IL17RD: variants seen among roughly 807,000 people sequenced by gnomAD.
IL17RD encodes interleukin 17 receptor D.
In IL17RD, 52 loss-of-function variants were observed where a neutral mutation model predicts 80.5. The ratio of observed to expected loss-of-function variants is 0.65; its 90% CI spans 0.52 to 0.81. IL17RD has a LOEUF of 0.81. IL17RD is among the 40% of genes least tolerant of loss of function. IL17RD has a pLI of 0.00. For missense variants in IL17RD, 1,024 were observed against 955.1 expected (o/e 1.07, Z -0.95); for synonymous variants, 416 against 391.8 (o/e 1.06, Z -0.73).
chr3:57,102,914 C>T lies in IL17RD; in HGVS notation c.868+177G>A, dbSNP rs370395440. On this transcript the variant is annotated intron_variant, in intron 9 of 12. Transcript: ENST00000296318. Reference sequence around the variant, plus strand: ...GTCCGAGCTACACACACCAAACTGGCTTTAATCTTCCAGGTTATAAACATT... The same window carrying T: ...GTCCGAGCTACACACACCAAACTGGTTTTAATCTTCCAGGTTATAAACATT... 1.1e-4 allele frequency among the ~76,000 whole-genome samples: 17 copies of T among 152,282 alleles called. 1 individual carries two copies. The East Asian group carries it at 2.9e-3, about 26-fold the overall frequency.
chr3:57,096,161 G>A lies in IL17RD; in HGVS notation c.*232C>T, dbSNP rs1281449970. 1 of 515,788 alleles carries A rather than the reference G, an allele frequency of 1.9e-6. No homozygotes were observed. Among genetic ancestry groups the A allele is most frequent in the Non-Finnish European group, 3.5e-6 (1 of 284,406 alleles). 32.0% of individuals were successfully genotyped at this position (515,788 alleles called of 1,614,324 possible). On this transcript the variant is annotated 3_prime_UTR_variant, in exon 13 of 13. Transcript: ENST00000296318. ...AACCAAATTTGGCAAGCTGTTGTCA[G>A]ACCTTATGGACATGCCTTTCAGAGC...
chr3:57,133,609 A>G (rs542803651), intron 1 of IL17RD, among the ~76,000 whole-genome samples: 2 of 152,296 alleles, frequency 1.3e-5, no homozygotes, highest in East Asian at 3.9e-4. Flanking sequence ...GATTTTGATA[A>G]ATGTCTTTTT....
Position 57,098,336 on chromosome 3 carries a change from G to A in IL17RD, c.1367C>T (p.Ala456Val), listed in dbSNP as rs947973911. 3.7e-6 allele frequency: 6 copies of A among 1,613,886 alleles called. No individual in the cohort carries two copies. In the African/African-American group the frequency reaches 6.7e-5, roughly 18 times the overall value. ...GGCCTGGCGGAGCTTTTCGGCAATGGCTGACACCGCCACCAGGAAGAGCTC... is the reference window on the plus strand; with the variant it reads ...GGCCTGGCGGAGCTTTTCGGCAATGACTGACACCGCCACCAGGAAGAGCTC... ...KGELFLVAVS[A>V]IAEKLRQAKQ... The change falls in exon 12 of 13, where the codon GCC (alanine) becomes GTC (valine). Residue 456 changes from alanine to valine, a missense_variant. Ala to Val is a moderately conservative substitution (Grantham distance 64). Coordinates refer to ENST00000296318, the MANE Select transcript of IL17RD (RefSeq NM_017563.5).
At chr3:57,147,394 T>A (rs1707955131) in intron 1 of IL17RD, among the ~76,000 whole-genome samples, 1 of 152,184 alleles carries the variant, frequency 6.6e-6, no homozygotes, top group South Asian at 2.1e-4. Context: ...GGAGCTGGGA[T>A]TCGTGAAACA....
chr3:57,113,271 C>T (rs1171140602), intron 3 of IL17RD, among the ~76,000 whole-genome samples: 1 of 152,164 alleles, frequency 6.6e-6, no homozygotes, highest in Non-Finnish European at 1.5e-5. Context: ...GAGTTTCCCT[C>T]TTGTTGTCCA....
chr3:57,157,962 T>A (rs1206411963), intron 1 of IL17RD, among the ~76,000 whole-genome samples: 1 of 152,150 alleles, frequency 6.6e-6, no homozygotes, highest in African/African-American at 2.4e-5. Context: ...ACAGAACACT[T>A]GGAAAAACTC....
In IL17RD at chr3:57,098,455, C is replaced by T; in HGVS notation, c.1248G>A (p.Gln416=). The change falls in exon 12 of 13, where the codon CAG becomes CAA. Residue 416 remains glutamine (Q), a synonymous_variant. Coordinates refer to ENST00000296318, the MANE Select transcript of IL17RD (RefSeq NM_017563.5). ...CTTTGGAACAAACCACAATGATGAA[C>T]TGGGACTCGTGGATCTTCTGGATGA... ...EWVIQKIHES[Q]FIIVVCSKGM... The T allele has an allele frequency of 6.2e-7, 1 of 1,614,002 alleles. No homozygotes were observed. The highest frequency in any genetic ancestry group is 8.5e-7 in the Non-Finnish European group (1 of 1,179,890).
chr3:57,169,436 G>C, upstream of IL17RD: 1 of 239,742 alleles, frequency 4.2e-6, no homozygotes, highest in Non-Finnish European at 8.5e-6. Flanking sequence ...ATAAGCTGTT[G>C]ATGAAATGTA....
chr3:57,136,248 C>T (rs979283789), intron 1 of IL17RD, among the ~76,000 whole-genome samples: 3 of 152,168 alleles, frequency 2.0e-5, no homozygotes, highest in Non-Finnish European at 4.4e-5. Flanking sequence ...AAAAACCACT[C>T]ACTGGTAAAA....
chr3:57,130,801 G>T (rs1023646345), intron 1 of IL17RD, among the ~76,000 whole-genome samples: 3 of 152,192 alleles, frequency 2.0e-5, no homozygotes, highest in African/African-American at 7.2e-5. Context: ...GCCTTTGAGT[G>T]TGTGTGTTGT....
chr3:57,140,996 C>T (rs1012438828), intron 1 of IL17RD, among the ~76,000 whole-genome samples: 26 of 151,850 alleles, frequency 1.7e-4, no homozygotes, highest in Admixed American at 1.1e-3. Flanking sequence ...TGGGCTCAAA[C>T]GATCCTCTGC....
chr3:57,130,072 T>C (rs1020589056), intron 1 of IL17RD, among the ~76,000 whole-genome samples: 5 of 152,214 alleles, frequency 3.3e-5, no homozygotes, highest in African/African-American at 1.2e-4. Flanking sequence ...CAGGGTGTAT[T>C]TGCTTTTAAT....
chr3:57,112,294 G>A (rs917110527), intron 3 of IL17RD, among the ~76,000 whole-genome samples: 1 of 152,206 alleles, frequency 6.6e-6, no homozygotes, highest in African/African-American at 2.4e-5. Flanking sequence ...GGAAACTGAG[G>A]TTTATAGTAG....
chr3:57,105,552 A>AAAAAAAAAAATATATATAT, intron 7 of IL17RD, among the ~76,000 whole-genome samples: 2 of 63,588 alleles, frequency 3.1e-5, no homozygotes, highest in Admixed American at 1.9e-4. Context: ...AAAAAAAAAA[A>AAAAAAAAAAATATATATAT]ATATATATAT....
chr3:57,109,304 C>A (rs957797501), intron 5 of IL17RD, among the ~76,000 whole-genome samples: 1 of 152,092 alleles, frequency 6.6e-6, no homozygotes, highest in African/African-American at 2.4e-5. Flanking sequence ...CCTGCCACCA[C>A]GCCTGGCTAA....
intron 7 of IL17RD, among the ~76,000 whole-genome samples, chr3:57,105,554 T>A (rs56401010): frequency 0.069 from 2,392 of 34,730 alleles, 18 homozygotes; most frequent in Non-Finnish European, 0.1. Flanking sequence ...AAAAAAAAAA[T>A]ATATATATAT....
At chr3:57,143,799 C>T (rs1707875432) in intron 1 of IL17RD, among the ~76,000 whole-genome samples, 1 of 152,196 alleles carries the variant, frequency 6.6e-6, no homozygotes, top group Admixed American at 6.6e-5. Context: ...AAGAGACACA[C>T]CCGGCTTTTC....
At chr3:57,101,071 A>AGGGCAG in intron 11 of IL17RD, 108 bp downstream of exon 11, 1 of 780,430 alleles carries the variant, frequency 1.3e-6, no homozygotes, top group South Asian at 1.9e-5. Context: ...GCACTAGTCA[A>AGGGCAG]GGGCAGGTGT....
At chr3:57,097,133 A>T (rs1221091658) in intron 12 of IL17RD, among the ~76,000 whole-genome samples, 2 of 152,076 alleles carry the variant, frequency 1.3e-5, no homozygotes. Context: ...GAGAGCCCTC[A>T]TACCTGGGAC....
Sources: allele counts gnomAD v4.1 joint callset (sites outside exome capture counted in the v4.1 genomes callset), GRCh38; gene constraint gnomAD v4.1.1; transcripts MANE v1.5; gene names NCBI Gene and HGNC (gene_info 2026-07-23, HGNC 2026-07-21).